Variants in DRC11 observed in about 807,000 individuals in gnomAD.
DRC11 encodes the protein dynein regulatory complex subunit 11.
At chr2:236,403,878 C>A in the DRC11 span, among the ~76,000 whole-genome samples, 2 of 152,148 alleles carry the variant, frequency 1.3e-5, no homozygotes, top group Non-Finnish European at 2.9e-5. Flanking sequence ...GGGGCCCCGA[C>A]TGCAACACAC....
the DRC11 span, among the ~76,000 whole-genome samples, chr2:236,492,954 A>G: frequency 4.8e-3 from 726 of 152,352 alleles, 8 homozygotes; most frequent in African/African-American, 0.016. Context: ...TCTTCCCCCA[A>G]TGACAGTCCA....
At chr2:236,496,718 C>A in the DRC11 span, among the ~76,000 whole-genome samples, 1 of 152,230 alleles carries the variant, frequency 6.6e-6, no homozygotes, top group African/African-American at 2.4e-5. This position sits in a 1 kb window ranked among gnomAD's most constrained non-coding sequence, Gnocchi z 6.3. Context: ...CCCTGGGTCA[C>A]CACTGACCCA....
the DRC11 span, among the ~76,000 whole-genome samples, chr2:236,431,606 C>T: frequency 6.6e-6 from 1 of 152,180 alleles, no homozygotes; most frequent in Non-Finnish European, 1.5e-5. This position sits in a 1 kb window ranked among gnomAD's most constrained non-coding sequence, Gnocchi z 4.2. Flanking sequence ...CACTAATCTA[C>T]TTTCTGTGTC....
the DRC11 span, among the ~76,000 whole-genome samples, chr2:236,506,696 G>A: frequency 2.0e-5 from 3 of 152,204 alleles, no homozygotes; most frequent in Non-Finnish European, 4.4e-5. This position sits in a 1 kb window ranked among gnomAD's most constrained non-coding sequence, Gnocchi z 4.9. Context: ...CAGGGTCAGC[G>A]CTGTAATACC....
At chr2:236,326,792 TTGTGTGTGTGTGTGTGTGTGTGTG>T in the DRC11 span, among the ~76,000 whole-genome samples, 4 of 144,084 alleles carry the variant, frequency 2.8e-5, no homozygotes, top group African/African-American at 1.0e-4. Flanking sequence ...TTCAGATTTG[TTGTGTGTGTGTGTGTGTGTGTGTG>T]TGTGTGTGTG....
At chr2:236,473,709 C>T in the DRC11 span, among the ~76,000 whole-genome samples, 1 of 150,854 alleles carries the variant, frequency 6.6e-6, no homozygotes, top group African/African-American at 2.4e-5. This position sits in a 1 kb window ranked among gnomAD's most constrained non-coding sequence, Gnocchi z 4.8. Context: ...AATAACTGCA[C>T]ATAAATTTTT....
chr2:236,464,795 G>A, the DRC11 span, among the ~76,000 whole-genome samples: 2 of 151,942 alleles, frequency 1.3e-5, no homozygotes, highest in Non-Finnish European at 2.9e-5. Flanking sequence ...GTTCTTGCAA[G>A]ATCTGGTTGT....
the DRC11 span, among the ~76,000 whole-genome samples, chr2:236,491,165 A>ATATATATATACACAG: frequency 1.1e-3 from 84 of 77,848 alleles, 4 homozygotes; most frequent in African/African-American, 5.4e-3. Context: ...CACAGTATAT[A>ATATATATATACACAG]TATATATATA....
chr2:236,420,836 G>A, the DRC11 span, among the ~76,000 whole-genome samples: 4 of 151,992 alleles, frequency 2.6e-5, no homozygotes, highest in Non-Finnish European at 5.9e-5. This position sits in a 1 kb window ranked among gnomAD's most constrained non-coding sequence, Gnocchi z 4.8. Flanking sequence ...ACAGACAAAG[G>A]CTCACCTTGA....
chr2:236,409,958 C>A, the DRC11 span, among the ~76,000 whole-genome samples: 1 of 152,168 alleles, frequency 6.6e-6, no homozygotes, highest in Non-Finnish European at 1.5e-5. Context: ...AGGGATGAAA[C>A]CCACTTGATC....
At chr2:236,451,701 A>G in the DRC11 span, among the ~76,000 whole-genome samples, 1 of 152,234 alleles carries the variant, frequency 6.6e-6, no homozygotes, top group Admixed American at 6.5e-5. Flanking sequence ...GGCTCCAATC[A>G]GAAACTTTAA....
chr2:236,370,641 C>T, the DRC11 span, among the ~76,000 whole-genome samples: 1 of 152,088 alleles, frequency 6.6e-6, no homozygotes, highest in Non-Finnish European at 1.5e-5. This position sits in a 1 kb window ranked among gnomAD's most constrained non-coding sequence, Gnocchi z 5.5. Flanking sequence ...GTTTAAATCA[C>T]CTTGGTAGTA....
the DRC11 span, among the ~76,000 whole-genome samples, chr2:236,397,184 T>C: frequency 6.6e-6 from 1 of 152,242 alleles, no homozygotes; most frequent in Non-Finnish European, 1.5e-5. This position sits in a 1 kb window ranked among gnomAD's most constrained non-coding sequence, Gnocchi z 5.0. Flanking sequence ...CTTTTCCTAG[T>C]GTCTATATAA....
At chr2:236,323,761 C>A in the DRC11 span, among the ~76,000 whole-genome samples, 2 of 152,228 alleles carry the variant, frequency 1.3e-5, no homozygotes. The surrounding 1 kb of genome is among the most constrained non-coding windows in gnomAD (Gnocchi z 6.4). Context: ...CAATTGAAGT[C>A]TACTTCCTCT....
At chr2:236,395,461 G>A in the DRC11 span, among the ~76,000 whole-genome samples, 4 of 152,190 alleles carry the variant, frequency 2.6e-5, no homozygotes, top group Non-Finnish European at 5.9e-5. Context: ...GTGGAAGTTC[G>A]TTCTTTGCTC....
At chr2:236,429,192 C>CA in the DRC11 span, among the ~76,000 whole-genome samples, 2 of 152,146 alleles carry the variant, frequency 1.3e-5, no homozygotes, top group Non-Finnish European at 2.9e-5. The surrounding 1 kb of genome is among the most constrained non-coding windows in gnomAD (Gnocchi z 5.9). Flanking sequence ...GGCTCCGAAT[C>CA]TGGGGGAGCG....
chr2:236,465,642 C>G, the DRC11 span: 1 of 1,613,806 alleles, frequency 6.2e-7, no homozygotes, highest in Non-Finnish European at 8.5e-7. The surrounding 1 kb of genome is among the most constrained non-coding windows in gnomAD (Gnocchi z 6.2). Context: ...GCACCTCATT[C>G]CGCAGGCGGT....
chr2:236,315,981 A>C, the DRC11 span, among the ~76,000 whole-genome samples: 1 of 152,216 alleles, frequency 6.6e-6, no homozygotes. The surrounding 1 kb of genome is among the most constrained non-coding windows in gnomAD (Gnocchi z 5.1). Context: ...CACATCCTGC[A>C]CATGTACCTG....
chr2:236,333,987 G>A, the DRC11 span, among the ~76,000 whole-genome samples: 1 of 152,126 alleles, frequency 6.6e-6, no homozygotes, highest in Non-Finnish European at 1.5e-5. This position sits in a 1 kb window ranked among gnomAD's most constrained non-coding sequence, Gnocchi z 6.0. Flanking sequence ...AGGATACTTG[G>A]TGTTCACGGA....
Sources: allele counts gnomAD v4.1 joint callset (sites outside exome capture counted in the v4.1 genomes callset), GRCh38; gene constraint gnomAD v4.1.1; non-coding constraint Gnocchi (gnomAD v3.1); transcripts MANE v1.5; gene names NCBI Gene and HGNC (gene_info 2026-07-23, HGNC 2026-07-21).